Variants in CELF2 observed in about 807,000 individuals in gnomAD.
CELF2 encodes the protein CUG triplet repeat RNA-binding protein 2.
A neutral mutation model predicts 62.6 loss-of-function variants in CELF2; 8 were observed. That is an observed-to-expected ratio of 0.13 (90% CI 0.07 to 0.23). The LOEUF is 0.23. Among genes scored for constraint, CELF2 ranks in the 10% least tolerant of loss-of-function variants. CELF2 has a pLI of 1.00. For missense variants in CELF2, 333 were observed against 671.0 expected (o/e 0.50, Z 5.56); for synonymous variants, 258 against 250.0 (o/e 1.03, Z -0.30).
the CELF2 span, among the ~76,000 whole-genome samples, chr10:10,714,369 G>A: frequency 6.6e-6 from 1 of 152,098 alleles, no homozygotes; most frequent in Admixed American, 6.5e-5. Context: ...TACTAGTATT[G>A]ACCTGGAATA....
chr10:10,694,806 T>G, the CELF2 span, among the ~76,000 whole-genome samples: 1 of 151,852 alleles, frequency 6.6e-6, no homozygotes, highest in Non-Finnish European at 1.5e-5. Flanking sequence ...TGGTTTAAAG[T>G]CTGTTTTATC....
chr10:11,054,532 C>T (rs1408743004), intron 1 of CELF2, among the ~76,000 whole-genome samples: 16 of 126,940 alleles, frequency 1.3e-4, no homozygotes, highest in Admixed American at 1.2e-3. Context: ...TTAATAGGAC[C>T]GTCTTTTAAC....
the CELF2 span, among the ~76,000 whole-genome samples, chr10:10,725,873 G>GT: frequency 6.7e-6 from 1 of 149,792 alleles, no homozygotes; most frequent in Non-Finnish European, 1.5e-5. Context: ...GCTGGTTTTA[G>GT]TTTTTTTAGA....
At chr10:11,141,164 G>A (rs2061298312) in intron 1 of CELF2, among the ~76,000 whole-genome samples, 1 of 152,218 alleles carries the variant, frequency 6.6e-6, no homozygotes, top group Non-Finnish European at 1.5e-5. Flanking sequence ...GGAAGCTCTT[G>A]TCTAAGTCAT....
At chr10:10,836,204 C>T (rs190404147) in intron 1 of CELF2, among the ~76,000 whole-genome samples, 2 of 151,728 alleles carry the variant, frequency 1.3e-5, no homozygotes, top group Admixed American at 6.6e-5. Flanking sequence ...TAGGGAGAAG[C>T]ATAAGAAAAG....
At position 11,237,510 on chromosome 10, in the gene CELF2, G is replaced by T. The variant is rs1190676336; in HGVS notation, c.355-11643G>T. ...TCGAGCCCTGCAAAGAGGCTCAGAA[G>T]ATCCAGGTGAGGAGACTTGTTCCCA... On this transcript the variant is annotated intron_variant, in intron 3 of 12. Transcript: ENST00000633077. The surrounding 1 kb of genome is among the most constrained non-coding windows in gnomAD (Gnocchi z 4.0). 6.6e-6 allele frequency among the ~76,000 whole-genome samples: 1 copy of T among 152,204 alleles called. No homozygotes were observed. Among genetic ancestry groups the T allele is most frequent in the African/African-American group, 2.4e-5 (1 of 41,434 alleles).
the CELF2 span, among the ~76,000 whole-genome samples, chr10:10,574,018 T>C: frequency 6.1e-3 from 935 of 152,322 alleles, 12 homozygotes; most frequent in African/African-American, 0.021. Context: ...ATCAATTTGA[T>C]CTGATCTGGT....
chr10:10,854,161 A>G (rs2132900143), intron 1 of CELF2, among the ~76,000 whole-genome samples: 1 of 152,298 alleles, frequency 6.6e-6, no homozygotes. Context: ...TGTCTGGAGG[A>G]CACTCATGAG....
chr10:10,653,461 T>C, the CELF2 span, among the ~76,000 whole-genome samples: 1 of 146,406 alleles, frequency 6.8e-6, no homozygotes, highest in African/African-American at 2.5e-5. Flanking sequence ...GACCACATAC[T>C]TGGAAGTAAA....
the CELF2 span, among the ~76,000 whole-genome samples, chr10:10,537,498 G>A: frequency 6.6e-6 from 1 of 152,156 alleles, no homozygotes; most frequent in Admixed American, 6.5e-5. Context: ...CTATTTAAAA[G>A]TTATAAGTTA....
At chr10:11,323,751 T>C (rs1216408478) in intron 11 of CELF2, among the ~76,000 whole-genome samples, 1 of 152,184 alleles carries the variant, frequency 6.6e-6, no homozygotes, top group Non-Finnish European at 1.5e-5. Flanking sequence ...GACAGTAACG[T>C]GCACTGGGAG....
chr10:10,574,988 C>A, the CELF2 span, among the ~76,000 whole-genome samples: 1 of 151,250 alleles, frequency 6.6e-6, no homozygotes, highest in African/African-American at 2.4e-5. Flanking sequence ...AAAGTGCTGG[C>A]ATTACAGGCG....
the CELF2 span, among the ~76,000 whole-genome samples, chr10:10,771,363 G>A: frequency 1.3e-5 from 2 of 152,150 alleles, no homozygotes; most frequent in Non-Finnish European, 2.9e-5. Flanking sequence ...CCCAGATGCT[G>A]GCAGAAGCCT....
the CELF2 span, among the ~76,000 whole-genome samples, chr10:10,671,536 T>C: frequency 6.6e-6 from 1 of 152,194 alleles, no homozygotes; most frequent in African/African-American, 2.4e-5. Flanking sequence ...AGCTGTATTA[T>C]GCCACATTCC....
Position 11,095,021 on chromosome 10 carries a change from T to A in CELF2, c.75-70465T>A, listed in dbSNP as rs78038689. Among the ~76,000 whole-genome samples the A allele has an allele frequency of 1.2e-3, 188 of 152,372 alleles. 6 individuals are homozygous for A. In the East Asian group the frequency reaches 0.035, roughly 28 times the overall value. ...GGTAGAGTAATAACTGGATTCGATT[T>A]GCTTTTGATCTTGAAGGTTGTTTAT... On this transcript the variant is annotated intron_variant, in intron 1 of 12. Coordinates refer to ENST00000633077, the MANE Select transcript of CELF2 (RefSeq NM_001326342.2).
At position 11,220,574 on chromosome 10, in the gene CELF2, TGAA is replaced by T. The variant is rs1403051808; in HGVS notation, c.354+3070_354+3072del. ...CTCTTACGGAGCAGTGCAAAATCAT[TGAA>T]GACACGTTTCTCAAACTTGCCTCTT... On this transcript the variant is annotated intron_variant, in intron 3 of 12. Coordinates refer to ENST00000633077, the MANE Select transcript of CELF2 (RefSeq NM_001326342.2). This position sits in a 1 kb window ranked among gnomAD's most constrained non-coding sequence, Gnocchi z 4.4. 6.6e-6 allele frequency among the ~76,000 whole-genome samples: 1 copy of T among 152,210 alleles called. No homozygotes were observed. The highest frequency in any genetic ancestry group is 1.5e-5 in the Non-Finnish European group (1 of 68,036).
chr10:10,642,872 T>C, the CELF2 span, among the ~76,000 whole-genome samples: 1 of 152,214 alleles, frequency 6.6e-6, no homozygotes. Context: ...TGTGTTGATA[T>C]CTGCAGGCCT....
chr10:10,924,603 T>C (rs2065272662), intron 2 of CELF2, among the ~76,000 whole-genome samples: 1 of 152,016 alleles, frequency 6.6e-6, no homozygotes, highest in Non-Finnish European at 1.5e-5. Flanking sequence ...GGTATATAAA[T>C]CAGATGTCAT....
intron 1 of CELF2, among the ~76,000 whole-genome samples, chr10:10,840,406 A>G (rs2058601559): frequency 6.6e-6 from 1 of 152,202 alleles, no homozygotes; most frequent in African/African-American, 2.4e-5. Context: ...TCGTTCTAGT[A>G]GGTATTTAGT....
Sources: gnomAD v4.1 joint callset for allele counts (sites outside exome capture counted in the v4.1 genomes callset) on GRCh38, gnomAD v4.1.1 for gene constraint, Gnocchi (gnomAD v3.1) non-coding constraint, MANE v1.5 for transcripts, NCBI Gene and HGNC (gene_info 2026-07-23, HGNC 2026-07-21) for gene names.